ITGBL1: variants seen among roughly 807,000 people sequenced by gnomAD.
ITGBL1 encodes the protein integrin subunit beta like 1.
A neutral mutation model predicts 68.5 loss-of-function variants in ITGBL1; 51 were observed. That is an observed-to-expected ratio of 0.74 (90% CI 0.59 to 0.94). The LOEUF (loss-of-function observed/expected upper bound fraction) is 0.94, where lower values mean the gene tolerates loss of function less well. Among genes scored for constraint, ITGBL1 ranks in the 40% least tolerant of loss-of-function variants. The pLI is 0.00. For synonymous variants in ITGBL1, 209 were observed against 227.3 expected (o/e 0.92, Z 0.72); for missense variants, 649 against 647.4 (o/e 1.00, Z -0.03).
chr13:101,557,259 T>C (rs1025180985), intron 2 of ITGBL1, among the ~76,000 whole-genome samples: 5 of 152,254 alleles, frequency 3.3e-5, no homozygotes, highest in Admixed American at 2.6e-4. Flanking sequence ...CTGGAAGGCA[T>C]GTTAAATATC....
chr13:101,505,435 G>A (rs975666118), intron 2 of ITGBL1, among the ~76,000 whole-genome samples: 1 of 152,176 alleles, frequency 6.6e-6, no homozygotes, highest in South Asian at 2.1e-4. Context: ...AAATGTTGGA[G>A]AGAAGGGTGT....
At chr13:101,465,086 T>C (rs1020374273) in intron 2 of ITGBL1, among the ~76,000 whole-genome samples, 1 of 152,244 alleles carries the variant, frequency 6.6e-6, no homozygotes, top group African/African-American at 2.4e-5. Flanking sequence ...CTAAATGCTT[T>C]TAGGCTATTC....
At chr13:101,678,562 C>T (rs112862296) in intron 7 of ITGBL1, among the ~76,000 whole-genome samples, 24,864 of 150,076 alleles carry the variant, frequency 0.17, 2,651 homozygotes, top group Admixed American at 0.26. Flanking sequence ...TGCAGTGGCA[C>T]GATCTCGGCT....
chr13:101,639,138 C>T (rs1430896838), intron 7 of ITGBL1, among the ~76,000 whole-genome samples: 3 of 152,110 alleles, frequency 2.0e-5, no homozygotes, highest in Non-Finnish European at 4.4e-5. Flanking sequence ...ACCTTTCCTA[C>T]CTGAAGTCAA....
intron 8 of ITGBL1, chr13:101,692,988 A>C: frequency 3.8e-6 from 1 of 264,794 alleles, no homozygotes; most frequent in Non-Finnish European, 7.2e-6. Flanking sequence ...GGGGCAAGTC[A>C]GCATTTTAAC....
rs1486258277 is a variant in ITGBL1 at position 101,545,975 on chromosome 13, A to G, written c.317-21724A>G. On this transcript the variant is annotated intron_variant, in intron 2 of 10. Coordinates refer to ENST00000376180, the MANE Select transcript of ITGBL1 (RefSeq NM_004791.3). ...AATAATTTTTTAAAATAATCATACA[A>G]TGAACTATATCAAGGTGAAAAAGAA... is the stretch of plus-strand genomic sequence containing the variant. Among the ~76,000 whole-genome samples the G allele has an allele frequency of 5.3e-5, 8 of 152,234 alleles. No homozygotes were observed. The East Asian group carries it at 7.7e-4, about 15-fold the overall frequency.
chr13:101,540,005 C>A (rs1414684502), intron 2 of ITGBL1, among the ~76,000 whole-genome samples: 3 of 152,262 alleles, frequency 2.0e-5, no homozygotes, highest in East Asian at 1.9e-4. Context: ...TGTAGGTTGC[C>A]TATTCACTCT....
At chr13:101,478,074 C>T (rs2048562484) in intron 2 of ITGBL1, among the ~76,000 whole-genome samples, 4 of 151,950 alleles carry the variant, frequency 2.6e-5, no homozygotes. Context: ...AGCATTGGTG[C>T]AAAAATCCTC....
chr13:101,548,573 G>T (rs962954582), intron 2 of ITGBL1, among the ~76,000 whole-genome samples: 31 of 151,688 alleles, frequency 2.0e-4, no homozygotes, highest in African/African-American at 7.2e-4. Flanking sequence ...TTTAAGTGAA[G>T]AATAAGAAAC....
chr13:101,672,994 G>C (rs1021365842), intron 7 of ITGBL1, among the ~76,000 whole-genome samples: 2 of 152,158 alleles, frequency 1.3e-5, no homozygotes, highest in Admixed American at 6.5e-5. Flanking sequence ...TAAATTTCAA[G>C]GGACAAGACT....
downstream of ITGBL1, chr13:101,717,318 C>T (rs1002561079): frequency 6.6e-6 from 1 of 152,066 alleles, no homozygotes; most frequent in Non-Finnish European, 1.5e-5. Context: ...ATTGTTATCT[C>T]TATCCTGAGA....
At chr13:101,556,682 G>A (rs1439102223) in intron 2 of ITGBL1, among the ~76,000 whole-genome samples, 1 of 151,910 alleles carries the variant, frequency 6.6e-6, no homozygotes, top group Non-Finnish European at 1.5e-5. Flanking sequence ...GACTGGAGAA[G>A]GCCATGTAAT....
Position 101,626,470 on chromosome 13 carries a change from G to A in ITGBL1, c.1015+28171G>A, listed in dbSNP as rs553272280. ...TTGGGACTGATTGATGTGAGTCCCCGAGAGATAGCCCTTTTGCTGAATCAG... is the reference window on the plus strand; with the variant it reads ...TTGGGACTGATTGATGTGAGTCCCCAAGAGATAGCCCTTTTGCTGAATCAG... On this transcript the variant is annotated intron_variant, in intron 7 of 10. Transcript: ENST00000376180. Among the ~76,000 whole-genome samples the A allele has an allele frequency of 2.1e-4, 32 of 152,202 alleles. No individual in the cohort carries two copies. In the South Asian group the frequency reaches 6.2e-3, roughly 30 times the overall value.
chr13:101,537,576 C>A (rs7988270), intron 2 of ITGBL1, among the ~76,000 whole-genome samples: 4 of 151,628 alleles, frequency 2.6e-5, no homozygotes, highest in African/African-American at 9.7e-5. Context: ...AGTATGGTAC[C>A]TTCACTAAAC....
intron 7 of ITGBL1, among the ~76,000 whole-genome samples, chr13:101,611,833 C>T (rs1054092030): frequency 6.6e-6 from 1 of 152,052 alleles, no homozygotes; most frequent in African/African-American, 2.4e-5. Context: ...AAATGGACAC[C>T]ATGCCTGTCA....
In ITGBL1 at chr13:101,710,302, C is replaced by T. The variant is rs142251042; in HGVS notation, c.1279+3400C>T. Among the ~76,000 whole-genome samples the T allele has an allele frequency of 2.1e-4, 32 of 152,266 alleles. No homozygotes were observed. In the East Asian group the frequency reaches 3.5e-3, roughly 17 times the overall value. ...GTTGGCAGCAGCTGATCGTGATCTC[C>T]CTTCTTTTCCCCTTTTATGGAGACA... On this transcript the variant is annotated intron_variant, in intron 9 of 10. Coordinates refer to ENST00000376180, the MANE Select transcript of ITGBL1 (RefSeq NM_004791.3).
rs546937063 is a variant in ITGBL1, at chr13:101,693,872, C to A, written c.1132+1171C>A. Reference sequence around the variant, plus strand: ...TTTTGCAGTCAGACCTTGGTGATGACCTGGAGCAGTAGGATATAAAAAACT... The same window carrying A: ...TTTTGCAGTCAGACCTTGGTGATGAACTGGAGCAGTAGGATATAAAAAACT... On this transcript the variant is annotated intron_variant, in intron 8 of 10. Transcript: ENST00000376180. Among the ~76,000 whole-genome samples, 7 of 152,210 alleles carry A rather than the reference C, an allele frequency of 4.6e-5. 1 individual carries two copies. Among genetic ancestry groups the A allele is most frequent in the African/African-American group, 1.7e-4 (7 of 41,522 alleles).
rs115093720 is a variant in ITGBL1, at chr13:101,562,769, G to A, written c.317-4930G>A. ...GACAGAACAAGTAGATAGAAAATTA[G>A]TGAGGATATAGCAAACCTGAACAAA... On this transcript the variant is annotated intron_variant, in intron 2 of 10. Transcript: ENST00000376180. Among the ~76,000 whole-genome samples, 745 of 151,992 alleles carry A rather than the reference G, an allele frequency of 4.9e-3. 3 individuals carry two copies. Among genetic ancestry groups the A allele is most frequent in the African/African-American group, 0.017 (713 of 41,544 alleles).
At chr13:101,487,219 T>C (rs2048713801) in intron 2 of ITGBL1, among the ~76,000 whole-genome samples, 1 of 152,204 alleles carries the variant, frequency 6.6e-6, no homozygotes, top group African/African-American at 2.4e-5. Context: ...CCTGTCAAAT[T>C]GCTCAGGCTA....
Sources: allele counts gnomAD v4.1 joint callset (sites outside exome capture counted in the v4.1 genomes callset), GRCh38; gene constraint gnomAD v4.1.1; transcripts MANE v1.5; gene names NCBI Gene and HGNC (gene_info 2026-07-23, HGNC 2026-07-21).